The following CLNK variants were observed in gnomAD, a reference collection of about 807,000 sequenced individuals.
CLNK encodes cytokine dependent hematopoietic cell linker, also known as cytokine-dependent hematopoietic cell linker.
CLNK carries 74 observed loss-of-function variants against 68.6 expected under a neutral mutation model. The ratio of observed to expected loss-of-function variants is 1.08; its 90% CI spans 0.89 to 1.31. CLNK has a LOEUF of 1.31. Among genes scored for constraint, CLNK ranks in the 50% most tolerant of loss-of-function variants. The probability of loss-of-function intolerance (pLI) is 0.00; values close to 1 mark genes in which losing one functional copy is unlikely to be tolerated. For synonymous variants in CLNK, 198 were observed against 172.2 expected (o/e 1.15, Z -1.17); for missense variants, 553 against 515.3 (o/e 1.07, Z -0.71).
chr4:10,633,469 A>G (rs574075452), intron 2 of CLNK, among the ~76,000 whole-genome samples: 1 of 152,350 alleles, frequency 6.6e-6, no homozygotes, highest in Admixed American at 6.5e-5. Flanking sequence ...CGCTTCATCT[A>G]CATTCTCCCA....
chr4:10,612,278 G>C (rs774572550), intron 2 of CLNK, among the ~76,000 whole-genome samples: 3 of 152,230 alleles, frequency 2.0e-5, no homozygotes, highest in Non-Finnish European at 4.4e-5. Context: ...ACAGAAATGA[G>C]CTTTTGTACA....
intron 2 of CLNK, among the ~76,000 whole-genome samples, chr4:10,630,087 GAGGAT>G (rs1722826642): frequency 6.6e-6 from 1 of 152,182 alleles, no homozygotes; most frequent in African/African-American, 2.4e-5. Flanking sequence ...GGATATAACA[GAGGAT>G]AGCCTCACTA....
chr4:10,583,645 G>A (rs1393927297), intron 4 of CLNK, among the ~76,000 whole-genome samples: 1 of 152,144 alleles, frequency 6.6e-6, no homozygotes, highest in Non-Finnish European at 1.5e-5. Context: ...TTTCTTTCCG[G>A]TAAGGTGTAG....
chr4:10,708,006 G>A, the CLNK span, among the ~76,000 whole-genome samples: 3 of 152,186 alleles, frequency 2.0e-5, no homozygotes, highest in South Asian at 4.1e-4. Flanking sequence ...AGCGCTGAAA[G>A]CAAAGTAGAC....
intron 7 of CLNK, among the ~76,000 whole-genome samples, chr4:10,561,162 A>G (rs1012868472): frequency 6.6e-6 from 1 of 151,970 alleles, no homozygotes; most frequent in Non-Finnish European, 1.5e-5. Flanking sequence ...CGGCCTCCCA[A>G]AATGTTGGGA....
chr4:10,601,491 CT>C (rs1211485667), intron 2 of CLNK, among the ~76,000 whole-genome samples: 3 of 152,176 alleles, frequency 2.0e-5, no homozygotes, highest in African/African-American at 7.2e-5. Flanking sequence ...AATCTGAATC[CT>C]AAGTGTTCAG....
At chr4:10,714,116 G>A in the CLNK span, among the ~76,000 whole-genome samples, 11 of 152,154 alleles carry the variant, frequency 7.2e-5, no homozygotes, top group African/African-American at 2.4e-4. Context: ...AGAAAGAGCT[G>A]CAGCCAACCA....
the CLNK span, among the ~76,000 whole-genome samples, chr4:10,698,171 T>C: frequency 2.0e-5 from 3 of 152,160 alleles, no homozygotes; most frequent in African/African-American, 7.2e-5. Flanking sequence ...TGTCTGTAAA[T>C]TGGAAGCCTC....
At chr4:10,603,046 C>T (rs956170438) in intron 2 of CLNK, among the ~76,000 whole-genome samples, 58 of 152,158 alleles carry the variant, frequency 3.8e-4, no homozygotes, top group Non-Finnish European at 7.4e-5. Context: ...GAGAGATGCT[C>T]CCGGCTACAC....
chr4:10,677,473 T>C (rs1423895736), intron 1 of CLNK, among the ~76,000 whole-genome samples: 1 of 152,102 alleles, frequency 6.6e-6, no homozygotes, highest in Non-Finnish European at 1.5e-5. Flanking sequence ...AGAGTAGTAG[T>C]AATATGGTTT....
the CLNK span, among the ~76,000 whole-genome samples, chr4:10,699,513 T>TATATATG: frequency 9.7e-5 from 6 of 62,054 alleles, no homozygotes; most frequent in South Asian, 6.5e-4. Flanking sequence ...TATATATATA[T>TATATATG]TTTTTTTTTT....
At chr4:10,589,602 CA>C (rs769571885) in intron 3 of CLNK, among the ~76,000 whole-genome samples, 31 of 152,186 alleles carry the variant, frequency 2.0e-4, no homozygotes, top group Non-Finnish European at 3.7e-4. Flanking sequence ...GCTGCAGAAA[CA>C]AAGCAGGGAG....
intron 18 of CLNK, among the ~76,000 whole-genome samples, 175 bp from the exon 19 acceptor site, chr4:10,490,788 G>A (rs1037029963): frequency 3.9e-5 from 6 of 152,020 alleles, no homozygotes; most frequent in African/African-American, 9.7e-5. Flanking sequence ...TTTCTGAGAC[G>A]TTGTTTTGCT....
the CLNK span, among the ~76,000 whole-genome samples, chr4:10,707,960 T>C: frequency 6.6e-6 from 1 of 152,100 alleles, no homozygotes; most frequent in African/African-American, 2.4e-5. Context: ...TGGAGAGAGC[T>C]AGAAGTTTCC....
chr4:10,535,219 G>GAAAGAAAGA (rs1718702460), intron 11 of CLNK, among the ~76,000 whole-genome samples: 1 of 76,998 alleles, frequency 1.3e-5, no homozygotes, highest in Admixed American at 1.4e-4. Flanking sequence ...GAAAGAGAAA[G>GAAAGAAAGA]AAAGAAAGAA....
chr4:10,551,875 T>C (rs1436695959), intron 8 of CLNK, among the ~76,000 whole-genome samples: 1 of 150,110 alleles, frequency 6.7e-6, no homozygotes, highest in Non-Finnish European at 1.5e-5. Context: ...TGAGACTGAG[T>C]CTCACTCTGT....
At chr4:10,539,223 G>A (rs571109588) in intron 11 of CLNK, among the ~76,000 whole-genome samples, 146 of 152,330 alleles carry the variant, frequency 9.6e-4, no homozygotes, top group Non-Finnish European at 1.8e-3. Context: ...CAGAAAAGGA[G>A]GGCATTCCAT....
chr4:10,616,790 G>GTGTGTATATATATATATA (rs1369047138), intron 2 of CLNK, among the ~76,000 whole-genome samples: 14 of 64,358 alleles, frequency 2.2e-4, no homozygotes, highest in African/African-American at 5.4e-4. Context: ...GTGTGTGTGT[G>GTGTGTATATATATATATA]TATATATATA....
intron 1 of CLNK, among the ~76,000 whole-genome samples, chr4:10,677,479 G>C (rs1724919048): frequency 6.6e-6 from 1 of 152,032 alleles, no homozygotes; most frequent in Non-Finnish European, 1.5e-5. Context: ...GTAGTAATAT[G>C]GTTTAGCTGT....
Sources: allele counts gnomAD v4.1 joint callset (sites outside exome capture counted in the v4.1 genomes callset), GRCh38; gene constraint gnomAD v4.1.1; transcripts MANE v1.5; gene names NCBI Gene and HGNC (gene_info 2026-07-23, HGNC 2026-07-21).